Variants in PBX3 observed in about 807,000 individuals in gnomAD.
The protein encoded by PBX3 is PBX homeobox 3, also known as pre-B-cell leukemia transcription factor 3.
In PBX3, 14 loss-of-function variants were observed where a neutral mutation model predicts 48.5. The ratio of observed to expected loss-of-function variants is 0.29; its 90% CI spans 0.19 to 0.45. PBX3 has a LOEUF of 0.45. Among genes scored for constraint, PBX3 ranks in the 20% least tolerant of loss-of-function variants. The pLI, the probability that PBX3 is intolerant of heterozygous loss-of-function variation, is 1.00. For synonymous variants in PBX3, 210 were observed against 200.3 expected, an observed-to-expected ratio of 1.05 and a Z score of -0.41; for missense variants, 386 against 546.7, an observed-to-expected ratio of 0.71 and a Z score of 2.93.
At chr9:125,837,169 C>T (rs1298288601) in intron 2 of PBX3, among the ~76,000 whole-genome samples, 1 of 152,100 alleles carries the variant, frequency 6.6e-6, no homozygotes, top group African/African-American at 2.4e-5. Context: ...TACTCCTATT[C>T]AGTCTAGTAC....
At chr9:125,946,941 A>G (rs1373927180) in intron 5 of PBX3, among the ~76,000 whole-genome samples, 2 of 152,166 alleles carry the variant, frequency 1.3e-5, no homozygotes, top group Non-Finnish European at 2.9e-5. Context: ...CTAGAGGGAA[A>G]AGTAAGTCTG....
chr9:125,899,838 G>A (rs919269830), intron 2 of PBX3, among the ~76,000 whole-genome samples: 2 of 151,590 alleles, frequency 1.3e-5, no homozygotes, highest in Admixed American at 1.3e-4. Context: ...TTGAGAATTG[G>A]AGGCATTATT....
At chr9:125,791,290 TC>T (rs1264782514) in intron 2 of PBX3, among the ~76,000 whole-genome samples, 2 of 132,178 alleles carry the variant, frequency 1.5e-5, no homozygotes, top group Non-Finnish European at 3.2e-5. Context: ...TATCTGTCTG[TC>T]TGTCTGTCTG....
At chr9:125,890,285 C>CTGAAA (rs1840611151) in intron 2 of PBX3, among the ~76,000 whole-genome samples, 1 of 152,148 alleles carries the variant, frequency 6.6e-6, no homozygotes, top group Non-Finnish European at 1.5e-5. Context: ...ATAACTAAGC[C>CTGAAA]TTCACCATAA....
intron 2 of PBX3, among the ~76,000 whole-genome samples, chr9:125,809,403 A>T (rs1838221838): frequency 6.6e-6 from 1 of 151,354 alleles, no homozygotes; most frequent in Non-Finnish European, 1.5e-5. Context: ...TAGTTATTGT[A>T]ACATTATTTT....
intron 2 of PBX3, among the ~76,000 whole-genome samples, chr9:125,911,777 C>CTGAG (rs1378006690): frequency 6.6e-6 from 1 of 152,098 alleles, no homozygotes; most frequent in Admixed American, 6.6e-5. Context: ...AAAAATCAAA[C>CTGAG]AACTCAAGTT....
At chr9:125,889,494 A>G (rs1840583134) in intron 2 of PBX3, among the ~76,000 whole-genome samples, 2 of 152,248 alleles carry the variant, frequency 1.3e-5, no homozygotes, top group South Asian at 4.1e-4. Context: ...TTCTTTCCTC[A>G]GTAGTTTTTG....
intron 2 of PBX3, among the ~76,000 whole-genome samples, chr9:125,871,251 G>T (rs1036053932): frequency 6.6e-6 from 1 of 152,018 alleles, no homozygotes; most frequent in African/African-American, 2.4e-5. Context: ...ACAAAAATTA[G>T]CCAGGTGTGG....
intron 5 of PBX3, among the ~76,000 whole-genome samples, chr9:125,957,685 C>CA (rs1328277573): frequency 1.3e-5 from 2 of 152,164 alleles, no homozygotes; most frequent in Non-Finnish European, 2.9e-5. Context: ...ATATTAACTA[C>CA]AAAGTACTGA....
intron 5 of PBX3, among the ~76,000 whole-genome samples, chr9:125,944,936 G>T (rs1842034698): frequency 1.3e-5 from 2 of 152,040 alleles, no homozygotes; most frequent in South Asian, 4.1e-4. Context: ...AAAATAGCAT[G>T]TACTGGCTGG....
In PBX3 at chr9:125,850,461, T is replaced by A. The variant is rs143466808; in HGVS notation, c.275-65225T>A. On this transcript the variant is annotated intron_variant, in intron 2 of 8. Transcript: ENST00000373489. The stretch of plus-strand genomic sequence containing the variant: ...TGCTTTTTTGACATGCTTTGCCTTT[T>A]GAAAACATAGTAATTATGATGTTAT... Among the ~76,000 whole-genome samples, 6 of 152,212 alleles carry A rather than the reference T, an allele frequency of 3.9e-5. No homozygotes were observed. The East Asian group carries it at 9.6e-4, about 24-fold the overall frequency.
At chr9:125,879,077 C>CTTTTT (rs36094728) in intron 2 of PBX3, among the ~76,000 whole-genome samples, 2 of 124,624 alleles carry the variant, frequency 1.6e-5, no homozygotes, top group Non-Finnish European at 3.3e-5. Context: ...ACATGCTATT[C>CTTTTT]TTTTTTTTTT....
chr9:125,773,027 G>A (rs1276649731), intron 2 of PBX3, among the ~76,000 whole-genome samples: 2 of 152,200 alleles, frequency 1.3e-5, no homozygotes, highest in Non-Finnish European at 2.9e-5. Flanking sequence ...ACATCATTGA[G>A]GCTTCAGTTC....
At chr9:125,784,400 A>T (rs1263960093) in intron 2 of PBX3, among the ~76,000 whole-genome samples, 1 of 152,144 alleles carries the variant, frequency 6.6e-6, no homozygotes, top group East Asian at 1.9e-4. Context: ...AAGTGCTGGG[A>T]TTAGAGCTGT....
At chr9:125,933,416 TG>T (rs1400090296) in intron 4 of PBX3, among the ~76,000 whole-genome samples, 1 of 152,240 alleles carries the variant, frequency 6.6e-6, no homozygotes. Flanking sequence ...TGAGGTGTTT[TG>T]AAGTTTGTTA....
chr9:125,931,084 G>GA (rs1443884424), intron 4 of PBX3, among the ~76,000 whole-genome samples: 20 of 152,204 alleles, frequency 1.3e-4, no homozygotes, highest in Admixed American at 1.0e-3. Context: ...ATTACCTAAA[G>GA]AAAAAATCAC....
chr9:125,929,342 A>G (rs1841661994), intron 3 of PBX3, among the ~76,000 whole-genome samples: 1 of 152,230 alleles, frequency 6.6e-6, no homozygotes, highest in Non-Finnish European at 1.5e-5. Flanking sequence ...CAATTAACAT[A>G]TATTTTTACT....
chr9:125,900,922 A>G (rs1840930644), intron 2 of PBX3, among the ~76,000 whole-genome samples: 1 of 151,768 alleles, frequency 6.6e-6, no homozygotes, highest in Non-Finnish European at 1.5e-5. Flanking sequence ...TTCAATGATT[A>G]AATTATAATT....
At chr9:125,805,495 C>CA (rs1283264899) in intron 2 of PBX3, among the ~76,000 whole-genome samples, 1 of 151,998 alleles carries the variant, frequency 6.6e-6, no homozygotes, top group Non-Finnish European at 1.5e-5. Context: ...TTTAGGAGGC[C>CA]AAAAAATGAA....
Sources: allele counts gnomAD v4.1 joint callset (sites outside exome capture counted in the v4.1 genomes callset), GRCh38; gene constraint gnomAD v4.1.1; transcripts MANE v1.5; gene names NCBI Gene and HGNC (gene_info 2026-07-23, HGNC 2026-07-21).